GRM1: variants seen among roughly 807,000 people sequenced by gnomAD.
The protein encoded by GRM1 is glutamate metabotropic receptor 1, also known as metabotropic glutamate receptor 1.
A neutral mutation model predicts 90.9 loss-of-function variants in GRM1; 33 were observed. The observed-to-expected ratio is 0.36, with a 90% CI of 0.28 to 0.49. GRM1 has a LOEUF of 0.49. Ranked by LOEUF, GRM1 falls within the 20% of genes least tolerant of loss-of-function variation. The probability of loss-of-function intolerance (pLI) is 0.99; values close to 1 mark genes in which losing one functional copy is unlikely to be tolerated. For missense variants in GRM1, 1,190 were observed against 1,534.3 expected, an observed-to-expected ratio of 0.78 and a Z score of 3.75; for synonymous variants, 700 against 613.2, an observed-to-expected ratio of 1.14 and a Z score of -2.09.
At chr6:146,142,339 A>G (rs1776910833) in intron 1 of GRM1, among the ~76,000 whole-genome samples, 1 of 152,160 alleles carries the variant, frequency 6.6e-6, no homozygotes, top group Admixed American at 6.5e-5. Flanking sequence ...CACTGCAACT[A>G]TGCTGGGTCA....
chr6:146,142,869 C>CT (rs1776939420), intron 1 of GRM1, among the ~76,000 whole-genome samples: 3 of 152,150 alleles, frequency 2.0e-5, no homozygotes, highest in African/African-American at 7.2e-5. Flanking sequence ...CCCCACGAGC[C>CT]TGCTTGGTAC....
intron 2 of GRM1, among the ~76,000 whole-genome samples, chr6:146,218,954 A>G (rs1428387739): frequency 6.6e-6 from 1 of 152,176 alleles, no homozygotes; most frequent in Non-Finnish European, 1.5e-5. Context: ...ATGTGGAGTC[A>G]CCTACCCACG....
intron 7 of GRM1, among the ~76,000 whole-genome samples, chr6:146,412,466 A>G (rs1777605926): frequency 6.6e-6 from 1 of 152,190 alleles, no homozygotes; most frequent in South Asian, 2.1e-4. Context: ...GTTCATTTAC[A>G]GTAGAGATGA....
chr6:146,211,737 G>A (rs1184363831), intron 2 of GRM1, among the ~76,000 whole-genome samples: 2 of 152,070 alleles, frequency 1.3e-5, no homozygotes, highest in African/African-American at 4.8e-5. Flanking sequence ...AATGAACAAT[G>A]GTATTTGTTC....
intron 3 of GRM1, among the ~76,000 whole-genome samples, chr6:146,308,176 T>C (rs1429302018): frequency 1.3e-5 from 2 of 152,314 alleles, no homozygotes; most frequent in Non-Finnish European, 2.9e-5. Context: ...TAGAAGCTGA[T>C]AGGGTGTAGC....
intron 1 of GRM1, among the ~76,000 whole-genome samples, chr6:146,145,252 A>G (rs1340853711): frequency 6.6e-6 from 1 of 152,230 alleles, no homozygotes. Context: ...CTCAGCAACC[A>G]TATGGTGAAG....
At chr6:146,359,918 A>G (rs1775399246) in intron 5 of GRM1, among the ~76,000 whole-genome samples, 1 of 152,112 alleles carries the variant, frequency 6.6e-6, no homozygotes, top group South Asian at 2.1e-4. Context: ...CTCAATACCA[A>G]CCTGGAATGG....
chr6:146,261,516 A>C (rs1321240536), intron 2 of GRM1, among the ~76,000 whole-genome samples: 1 of 152,158 alleles, frequency 6.6e-6, no homozygotes, highest in Non-Finnish European at 1.5e-5. Context: ...GATTTTCTAA[A>C]CTAATTCTGA....
At chr6:146,316,088 C>T (rs1409165873) in intron 3 of GRM1, among the ~76,000 whole-genome samples, 1 of 152,160 alleles carries the variant, frequency 6.6e-6, no homozygotes, top group African/African-American at 2.4e-5. Context: ...AAGACCCTGA[C>T]AAGAGTCTCC....
At chr6:146,297,018 T>C (rs1309045016) in intron 2 of GRM1, among the ~76,000 whole-genome samples, 2 of 152,226 alleles carry the variant, frequency 1.3e-5, no homozygotes, top group African/African-American at 4.8e-5. Context: ...CTGATGCATA[T>C]CATTTGGCTT....
intron 2 of GRM1, among the ~76,000 whole-genome samples, chr6:146,272,505 T>C (rs954491299): frequency 2.0e-5 from 3 of 152,250 alleles, no homozygotes; most frequent in Non-Finnish European, 2.9e-5. Context: ...TAGTGTTTAC[T>C]GAATAAATAC....
chr6:146,404,712 T>G (rs2114604002), intron 7 of GRM1, among the ~76,000 whole-genome samples: 1 of 152,178 alleles, frequency 6.6e-6, no homozygotes, highest in East Asian at 1.9e-4. Context: ...TTGGGCAACT[T>G]TGCAAATGCA....
chr6:146,368,346 A>G (rs1775776284), intron 5 of GRM1, among the ~76,000 whole-genome samples: 1 of 151,666 alleles, frequency 6.6e-6, no homozygotes, highest in African/African-American at 2.4e-5. Context: ...TTCCTTTCCA[A>G]TTTGGATGCC....
At chr6:146,418,192 G>C (rs371974194) in intron 7 of GRM1, among the ~76,000 whole-genome samples, 1 of 151,992 alleles carries the variant, frequency 6.6e-6, no homozygotes, top group African/African-American at 2.4e-5. Context: ...CTTAGTAGCT[G>C]TTCATATCTT....
At chr6:146,236,290 A>C (rs908317980) in intron 2 of GRM1, among the ~76,000 whole-genome samples, 5 of 152,150 alleles carry the variant, frequency 3.3e-5, no homozygotes, top group Admixed American at 3.3e-4. Flanking sequence ...GTGGTTTGTG[A>C]CTATAATATT....
rs955584503 is a variant in GRM1, at chr6:146,320,753, C to T, written c.1186+15907C>T. On this transcript the variant is annotated intron_variant, in intron 3 of 7. Transcript: ENST00000282753. The stretch of plus-strand genomic sequence containing the variant: ...TCTTCTAGATTTTCTAGTTTATTTG[C>T]GTAGAGGTGTTTATTCTATTCTCTG... Among the ~76,000 whole-genome samples the T allele has an allele frequency of 5.3e-5, 8 of 152,030 alleles. No individual in the cohort carries two copies. The East Asian group carries it at 1.2e-3, about 22-fold the overall frequency.
Position 146,029,663 on chromosome 6 carries a change from C to T in GRM1, c.146C>T (p.Ala49Val), listed in dbSNP as rs1410876198. 6.2e-7 allele frequency: 1 copy of T among 1,614,000 alleles called. No individual in the cohort carries two copies. The highest frequency in any genetic ancestry group is 8.5e-7 in the Non-Finnish European group (1 of 1,180,018). ...ATGGACGGAGATGTCATCATTGGAG[C>T]CCTCTTCTCAGTCCATCACCAGCCT... Reference protein sequence around the residue: ...ARMDGDVIIGALFSVHHQPPA... With the variant: ...ARMDGDVIIGVLFSVHHQPPA... The change falls in exon 1 of 8, where the codon GCC becomes GTC. Residue 49 changes from alanine (A) to valine (V), a missense_variant. Physicochemically the swap from Ala to Val is moderately conservative, Grantham distance 64 (BLOSUM62 0). Coordinates refer to ENST00000282753, the MANE Select transcript of GRM1 (RefSeq NM_001278064.2).
intron 6 of GRM1, among the ~76,000 whole-genome samples, chr6:146,392,639 A>G (rs79838191): frequency 6.6e-6 from 1 of 152,230 alleles, no homozygotes; most frequent in African/African-American, 2.4e-5. Context: ...GCACCCATCA[A>G]CCCGTCATCT....
intron 2 of GRM1, among the ~76,000 whole-genome samples, chr6:146,176,241 G>T (rs2114527569): frequency 6.6e-6 from 1 of 152,102 alleles, no homozygotes; most frequent in East Asian, 1.9e-4. Flanking sequence ...TGTCAGCAAG[G>T]ATCCTTTAAC....
Sources: allele counts gnomAD v4.1 joint callset (sites outside exome capture counted in the v4.1 genomes callset), GRCh38; gene constraint gnomAD v4.1.1; transcripts MANE v1.5; gene names NCBI Gene and HGNC (gene_info 2026-07-23, HGNC 2026-07-21).